The following CSMD3 variants were observed in gnomAD, a reference collection of about 807,000 sequenced individuals.
CSMD3 encodes CUB and Sushi multiple domains 3.
CSMD3 carries 177 observed loss-of-function variants against 435.2 expected under a neutral mutation model. That is an observed-to-expected ratio of 0.41 (90% CI 0.36 to 0.46). CSMD3 has a LOEUF of 0.46. Ranked by LOEUF, CSMD3 falls within the 20% of genes least tolerant of loss-of-function variation. The probability of loss-of-function intolerance (pLI) is 0.34; values close to 1 mark genes in which losing one functional copy is unlikely to be tolerated. For synonymous variants in CSMD3, 1,656 were observed against 1,520.5 expected (o/e 1.09, Z -2.07); for missense variants, 4,265 against 4,504.6 (o/e 0.95, Z 1.52).
At chr8:112,983,673 G>A (rs2085136764) in intron 6 of CSMD3, among the ~76,000 whole-genome samples, 1 of 151,506 alleles carries the variant, frequency 6.6e-6, no homozygotes, top group African/African-American at 2.4e-5. Flanking sequence ...GGAGAAGTGT[G>A]AAGTTTGCCA....
chr8:112,628,373 G>A (rs189078070), intron 22 of CSMD3, among the ~76,000 whole-genome samples: 16 of 145,646 alleles, frequency 1.1e-4, no homozygotes, highest in African/African-American at 4.1e-4. Flanking sequence ...AGTCTTTTCA[G>A]GCATCTTAAT....
At chr8:112,422,809 C>G (rs1812659521) in intron 32 of CSMD3, among the ~76,000 whole-genome samples, 1 of 152,120 alleles carries the variant, frequency 6.6e-6, no homozygotes, top group African/African-American at 2.4e-5. Context: ...TATTGTTTAA[C>G]TCTGTCAAAG....
In CSMD3 at chr8:112,247,015, C is replaced by T. The variant is rs2130153266; in HGVS notation, c.10222+5G>A. ...ATAGCATTATTTCTTATCCATAATA[C>T]TTACGTATGCATTCAGGCTGAATCC... On this transcript the variant is annotated splice_donor_5th_base_variant and intron_variant, in intron 64 of 70. Transcript: ENST00000297405. 1.3e-6 allele frequency: 2 copies of T among 1,592,716 alleles called. No homozygotes were observed. The highest frequency in any genetic ancestry group is 1.7e-6 in the Non-Finnish European group (2 of 1,160,620).
At chr8:112,646,088 A>C (rs1383608011) in intron 19 of CSMD3, among the ~76,000 whole-genome samples, 1 of 152,164 alleles carries the variant, frequency 6.6e-6, no homozygotes, top group African/African-American at 2.4e-5. Context: ...GCACACTAGA[A>C]AAGTGAGTTT....
At chr8:112,520,259 G>A (rs1215446765) in intron 27 of CSMD3, among the ~76,000 whole-genome samples, 2 of 152,034 alleles carry the variant, frequency 1.3e-5, no homozygotes, top group Non-Finnish European at 2.9e-5. Flanking sequence ...CAAAGCACTT[G>A]ACTAGCAGCT....
chr8:112,914,221 C>T (rs1252723081), intron 10 of CSMD3, among the ~76,000 whole-genome samples: 2 of 151,784 alleles, frequency 1.3e-5, no homozygotes, highest in Admixed American at 1.3e-4. Context: ...TTTGAATTGT[C>T]TTTATGACAA....
intron 1 of CSMD3, among the ~76,000 whole-genome samples, chr8:113,355,749 T>TATATATACAC (rs1357514892): frequency 5.3e-4 from 43 of 81,298 alleles, no homozygotes; most frequent in African/African-American, 1.2e-3. Context: ...TATATATATA[T>TATATATACAC]ACACACACAC....
chr8:112,510,880 TC>T (rs1823051529), intron 28 of CSMD3, among the ~76,000 whole-genome samples: 1 of 152,218 alleles, frequency 6.6e-6, no homozygotes. Flanking sequence ...TGCTAGTGGT[TC>T]TTTATATTTG....
At chr8:112,715,303 C>G (rs1446193833) in intron 13 of CSMD3, among the ~76,000 whole-genome samples, 1 of 152,074 alleles carries the variant, frequency 6.6e-6, no homozygotes, top group Non-Finnish European at 1.5e-5. Context: ...CACCTCTGTG[C>G]AAATAAACTA....
intron 36 of CSMD3, among the ~76,000 whole-genome samples, chr8:112,386,144 A>G (rs942286015): frequency 1.3e-5 from 2 of 152,152 alleles, no homozygotes; most frequent in African/African-American, 4.8e-5. Context: ...CATTCCTGAG[A>G]CCCTGAAGTG....
At chr8:112,300,647 C>T (rs1179478134) in intron 53 of CSMD3, among the ~76,000 whole-genome samples, 1 of 152,000 alleles carries the variant, frequency 6.6e-6, no homozygotes, top group Non-Finnish European at 1.5e-5. Flanking sequence ...CTAGCCAGAG[C>T]CTGGTCCATT....
At chr8:112,275,563 A>G (rs746415522) in intron 59 of CSMD3, among the ~76,000 whole-genome samples, 2 of 152,170 alleles carry the variant, frequency 1.3e-5, no homozygotes, top group Non-Finnish European at 2.9e-5. Flanking sequence ...GAATAAAAAA[A>G]AGAAAAAGAG....
chr8:112,675,797 T>C (rs761429943), intron 16 of CSMD3, among the ~76,000 whole-genome samples: 2 of 151,976 alleles, frequency 1.3e-5, no homozygotes, highest in Non-Finnish European at 2.9e-5. Flanking sequence ...AGAATAGAAC[T>C]GAATAAAAGC....
intron 4 of CSMD3, among the ~76,000 whole-genome samples, chr8:113,139,208 T>TA (rs2091489151): frequency 1.3e-5 from 2 of 150,382 alleles, no homozygotes; most frequent in Admixed American, 6.7e-5. Flanking sequence ...AAATAGCAAA[T>TA]AATAAAAGTA....
At chr8:112,455,352 C>T (rs1816720988) in intron 32 of CSMD3, among the ~76,000 whole-genome samples, 1 of 151,724 alleles carries the variant, frequency 6.6e-6, no homozygotes. Context: ...AAACCAAATA[C>T]CACATGTTCT....
At chr8:112,494,292 ACTTT>A (rs574806152) in intron 30 of CSMD3, among the ~76,000 whole-genome samples, 172 of 146,500 alleles carry the variant, frequency 1.2e-3, no homozygotes, top group African/African-American at 3.2e-3. Context: ...TCTCTCTCTC[ACTTT>A]CTTTCTTTCT....
chr8:112,864,331 C>T (rs548398584), intron 10 of CSMD3, among the ~76,000 whole-genome samples: 1 of 152,094 alleles, frequency 6.6e-6, no homozygotes, highest in African/African-American at 2.4e-5. Context: ...TCATTGCAAC[C>T]TCCACCTCCC....
intron 13 of CSMD3, among the ~76,000 whole-genome samples, chr8:112,764,200 A>AT (rs1033785286): frequency 6.6e-6 from 1 of 151,514 alleles, no homozygotes; most frequent in African/African-American, 2.4e-5. Flanking sequence ...CCATTGCTAT[A>AT]TTTACATACT....
Position 112,975,871 on chromosome 8 carries a change from T to C in CSMD3, c.1308A>G (p.Glu436=). The C allele has an allele frequency of 6.2e-7, 1 of 1,613,770 alleles. No individual in the cohort carries two copies. Among genetic ancestry groups the C allele is most frequent in the Non-Finnish European group, 8.5e-7 (1 of 1,179,888 alleles). ...TAACAACTGCAAGCTCTTTAGTTCT[T>C]TCTATCTGTTCAGCATGTCTTGGTC... The part of the protein sequence containing the change: ...RRRPRHAEQI[E]RTKELAVVTH... Residue 436 remains glutamate, a synonymous_variant, in exon 7 of 71, where the codon GAA becomes GAG. Coordinates refer to ENST00000297405, the MANE Select transcript of CSMD3 (RefSeq NM_198123.2).
Sources: gnomAD v4.1 joint callset for allele counts (sites outside exome capture counted in the v4.1 genomes callset) on GRCh38, gnomAD v4.1.1 for gene constraint, MANE v1.5 for transcripts, NCBI Gene and HGNC (gene_info 2026-07-23, HGNC 2026-07-21) for gene names.